PTPRK: variants seen among roughly 807,000 people sequenced by gnomAD.
PTPRK encodes the protein protein tyrosine phosphatase receptor type K.
In PTPRK, 75 loss-of-function variants were observed where a neutral mutation model predicts 178.0. That is an observed-to-expected ratio of 0.42 (90% CI 0.35 to 0.51). The LOEUF is 0.51. PTPRK is among the 20% of genes least tolerant of loss of function. The pLI is 0.02. For missense variants in PTPRK, 1,441 were observed against 1,797.8 expected (o/e 0.80, Z 3.59); for synonymous variants, 637 against 620.6 (o/e 1.03, Z -0.39).
intron 13 of PTPRK, among the ~76,000 whole-genome samples, chr6:128,022,645 G>A (rs962759191): frequency 3.3e-5 from 5 of 152,088 alleles, no homozygotes; most frequent in South Asian, 2.1e-4. Context: ...CTGAGGCACC[G>A]TCCTCCAGTA....
intron 3 of PTPRK, among the ~76,000 whole-genome samples, chr6:128,287,588 A>C (rs1822707232): frequency 6.6e-6 from 1 of 152,182 alleles, no homozygotes; most frequent in South Asian, 2.1e-4. Flanking sequence ...CACAAACCAC[A>C]GTATAGCCAC....
chr6:128,470,202 T>A (rs948186321), intron 1 of PTPRK, among the ~76,000 whole-genome samples: 1 of 151,880 alleles, frequency 6.6e-6, no homozygotes, highest in African/African-American at 2.4e-5. Context: ...GGGGAACTCA[T>A]GGTCTATTTC....
chr6:128,379,078 C>T (rs921247883), intron 2 of PTPRK, among the ~76,000 whole-genome samples: 6 of 152,048 alleles, frequency 3.9e-5, no homozygotes, highest in Non-Finnish European at 5.9e-5. Context: ...CCTCATCTTC[C>T]TGATATCTTT....
chr6:128,141,374 C>T lies in PTPRK; in HGVS notation c.1162+43058G>A, dbSNP rs532788893. On this transcript the variant is annotated intron_variant, in intron 7 of 29. Transcript: ENST00000368226. ...AAAAAATATATATTATAGATTAACACGGAACGAATCATTATATCTTTACCT... is the reference window on the plus strand; with the variant it reads ...AAAAAATATATATTATAGATTAACATGGAACGAATCATTATATCTTTACCT... Among the ~76,000 whole-genome samples the T allele has an allele frequency of 3.3e-5, 5 of 151,718 alleles. No individual in the cohort carries two copies. In the East Asian group the frequency reaches 5.8e-4, roughly 18 times the overall value.
intron 12 of PTPRK, among the ~76,000 whole-genome samples, chr6:128,066,806 C>T (rs7774703): frequency 0.85 from 129,195 of 152,150 alleles, 55,116 homozygotes; most frequent in East Asian, 0.99. Context: ...GGTTGTTTTC[C>T]CACATACGGA....
In PTPRK at chr6:128,442,950, T is replaced by G. The variant is rs144179233; in HGVS notation, c.101-45262A>C. Among the ~76,000 whole-genome samples, 214 of 152,296 alleles carry G rather than the reference T, an allele frequency of 1.4e-3. 1 individual carries two copies. Among genetic ancestry groups the G allele is most frequent in the African/African-American group, 4.8e-3 (201 of 41,566 alleles). ...TTATTGTAAAAGGAATTTGAATTTG[T>G]ATAGCATTGGTGAAGCGCAAACATA... On this transcript the variant is annotated intron_variant, in intron 1 of 29. Coordinates refer to ENST00000368226, the MANE Select transcript of PTPRK (RefSeq NM_002844.4).
intron 6 of PTPRK, among the ~76,000 whole-genome samples, chr6:128,193,015 G>A (rs1330260701): frequency 6.6e-6 from 1 of 151,982 alleles, no homozygotes; most frequent in East Asian, 1.9e-4. Context: ...ACACTTCAAT[G>A]TAAGAATCGA....
At chr6:128,410,463 G>T (rs1193048966) in intron 1 of PTPRK, among the ~76,000 whole-genome samples, 1 of 152,126 alleles carries the variant, frequency 6.6e-6, no homozygotes, top group Non-Finnish European at 1.5e-5. Flanking sequence ...TTGTAAAAGA[G>T]ACAAAAACTA....
Position 128,424,985 on chromosome 6 carries a change from G to A in PTPRK, c.101-27297C>T, listed in dbSNP as rs1207259358. ...TCAATAGGTTTTTGGGGAATAGGTGGTGTTTGATTACATGAATAAGTTCTT... is the reference window on the plus strand; with the variant it reads ...TCAATAGGTTTTTGGGGAATAGGTGATGTTTGATTACATGAATAAGTTCTT... On this transcript the variant is annotated intron_variant, in intron 1 of 29. Transcript: ENST00000368226. Among the ~76,000 whole-genome samples, 3 of 151,088 alleles carry A rather than the reference G, an allele frequency of 2.0e-5. No individual in the cohort carries two copies. The East Asian group carries it at 5.8e-4, about 29-fold the overall frequency.
chr6:128,204,050 C>T (rs947581106), intron 6 of PTPRK, among the ~76,000 whole-genome samples: 10 of 152,108 alleles, frequency 6.6e-5, no homozygotes, highest in Admixed American at 4.6e-4. Flanking sequence ...GTAACCAAAA[C>T]AGCATAGTAT....
chr6:128,372,343 T>C (rs1160517868), intron 2 of PTPRK, among the ~76,000 whole-genome samples: 2 of 152,146 alleles, frequency 1.3e-5, no homozygotes, highest in Non-Finnish European at 2.9e-5. Flanking sequence ...GGAGAATCTG[T>C]AGAAAGGAAA....
rs922279603 is a variant in PTPRK, at chr6:128,385,945, ATAAT to A, written c.223+11617_223+11620del. ...TATAATCCCCAAATTCAAGAGATAA[ATAAT>A]TAGTTAAATATAACTTAAAGGAACT... On this transcript the variant is annotated intron_variant, in intron 2 of 29. Coordinates refer to ENST00000368226, the MANE Select transcript of PTPRK (RefSeq NM_002844.4). Among the ~76,000 whole-genome samples the A allele has an allele frequency of 4.6e-5, 7 of 152,342 alleles. No individual in the cohort carries two copies. In the East Asian group the frequency reaches 1.3e-3, roughly 29 times the overall value.
At chr6:128,126,459 T>C (rs1793390987) in intron 7 of PTPRK, among the ~76,000 whole-genome samples, 1 of 152,200 alleles carries the variant, frequency 6.6e-6, no homozygotes, top group Non-Finnish European at 1.5e-5. Flanking sequence ...CATATTTGTA[T>C]GCAGGCTTTT....
chr6:128,417,060 GTA>G (rs550824560), intron 1 of PTPRK, among the ~76,000 whole-genome samples: 5 of 149,784 alleles, frequency 3.3e-5, no homozygotes, highest in African/African-American at 7.3e-5. Context: ...AATTTTATGT[GTA>G]TATATATATA....
At chr6:128,126,968 T>C (rs1479639520) in intron 7 of PTPRK, among the ~76,000 whole-genome samples, 1 of 152,128 alleles carries the variant, frequency 6.6e-6, no homozygotes, top group Non-Finnish European at 1.5e-5. Flanking sequence ...TCATTTTTTT[T>C]TTTTGGTGGA....
intron 7 of PTPRK, among the ~76,000 whole-genome samples, chr6:128,111,927 G>GTGTATC (rs1790734707): frequency 6.6e-6 from 1 of 151,932 alleles, no homozygotes; most frequent in Admixed American, 6.6e-5. Context: ...CACATAACAG[G>GTGTATC]TGTATCTGTG....
At chr6:128,075,259 C>T (rs1783588099) in intron 11 of PTPRK, among the ~76,000 whole-genome samples, 1 of 152,052 alleles carries the variant, frequency 6.6e-6, no homozygotes, top group South Asian at 2.1e-4. Flanking sequence ...CTCTATGTTT[C>T]TATCAGAGTG....
At chr6:128,018,823 T>TA (rs201647513) in intron 13 of PTPRK, among the ~76,000 whole-genome samples, 16 of 151,954 alleles carry the variant, frequency 1.1e-4, no homozygotes, top group East Asian at 5.8e-4. Flanking sequence ...GTCTACTTTC[T>TA]AAAAAAAACA....
At chr6:128,188,485 T>G (rs1390325781) in intron 6 of PTPRK, among the ~76,000 whole-genome samples, 1 of 152,140 alleles carries the variant, frequency 6.6e-6, no homozygotes, top group Admixed American at 6.6e-5. Context: ...TTAGATAAAT[T>G]AAATACCTCT....
Sources: gnomAD v4.1 joint callset for allele counts (sites outside exome capture counted in the v4.1 genomes callset) on GRCh38, gnomAD v4.1.1 for gene constraint, MANE v1.5 for transcripts, NCBI Gene and HGNC (gene_info 2026-07-23, HGNC 2026-07-21) for gene names.